RASGRF1: variants seen among roughly 807,000 people sequenced by gnomAD.
RASGRF1 encodes ras-specific guanine nucleotide-releasing factor 1.
In RASGRF1, 40 loss-of-function variants were observed where a neutral mutation model predicts 138.7. The observed-to-expected ratio is 0.29, with a 90% CI of 0.22 to 0.38. The LOEUF (loss-of-function observed/expected upper bound fraction) is 0.38. RASGRF1 is among the 10% of genes least tolerant of loss of function. RASGRF1 has a pLI of 1.00. For synonymous variants in RASGRF1, 614 were observed against 663.2 expected (o/e 0.93, Z 1.14); for missense variants, 1,108 against 1,650.4 (o/e 0.67, Z 5.69).
At chr15:79,033,439 TAG>T (rs2057170526) in intron 6 of RASGRF1, among the ~76,000 whole-genome samples, 1 of 151,856 alleles carries the variant, frequency 6.6e-6, no homozygotes, top group South Asian at 2.1e-4. Context: ...TTTGTAGAGA[TAG>T]AGTTTTACCA....
chr15:78,970,378 G>A (rs949761875), intron 26 of RASGRF1, among the ~76,000 whole-genome samples: 11 of 151,962 alleles, frequency 7.2e-5, no homozygotes, highest in Non-Finnish European at 1.5e-4. Context: ...AAAATTATTG[G>A]GGCATAGTGG....
chr15:79,003,678 CCCCAAGCCTCTCCCTT>C (rs1428651908), intron 15 of RASGRF1, 108 bp downstream of exon 15: 5 of 1,424,076 alleles, frequency 3.5e-6, no homozygotes. Context: ...CTGGTGGGAC[CCCCAAGCCTCTCCCTT>C]CCTTCCCCAT....
At chr15:79,037,009 T>G (rs1026450667) in intron 5 of RASGRF1, among the ~76,000 whole-genome samples, 2 of 152,130 alleles carry the variant, frequency 1.3e-5, no homozygotes, top group Non-Finnish European at 2.9e-5. Context: ...GTCTATCATC[T>G]CCCTAAAGTT....
chr15:78,977,157 C>T (rs918563802), intron 24 of RASGRF1, among the ~76,000 whole-genome samples: 11 of 152,314 alleles, frequency 7.2e-5, no homozygotes, highest in African/African-American at 2.2e-4. Flanking sequence ...GAAACCAACC[C>T]GAGACAAGCA....
At chr15:79,003,535 C>G (rs756502259) in intron 15 of RASGRF1, among the ~76,000 whole-genome samples, 3 of 152,234 alleles carry the variant, frequency 2.0e-5, no homozygotes. Flanking sequence ...CTAAATTGCT[C>G]GTGATGGGAA....
At chr15:79,034,257 C>T (rs1688537075) in intron 6 of RASGRF1, among the ~76,000 whole-genome samples, 1 of 151,926 alleles carries the variant, frequency 6.6e-6, no homozygotes, top group Admixed American at 6.5e-5. Context: ...ATGACACCAA[C>T]ACTCACCTTT....
rs1283670647 is a variant in RASGRF1 at position 79,032,948 on chromosome 15, C to T, written c.959-632G>A. Among the ~76,000 whole-genome samples, 1 of 152,212 alleles carries T rather than the reference C, an allele frequency of 6.6e-6. No homozygotes were observed. Among genetic ancestry groups the T allele is most frequent in the Non-Finnish European group, 1.5e-5 (1 of 68,040 alleles). ...AAGTGGCCTATCTGAGGTCACAGGGCAAGTCAGCAGCCGGCCTGGGGCTGG... is the reference window on the plus strand; with the variant it reads ...AAGTGGCCTATCTGAGGTCACAGGGTAAGTCAGCAGCCGGCCTGGGGCTGG... On this transcript the variant is annotated intron_variant, in intron 6 of 26. Transcript: ENST00000558480. The surrounding 1 kb of genome is among the most constrained non-coding windows in gnomAD (Gnocchi z 4.5).
chr15:78,986,963 A>G (rs2056171726), intron 22 of RASGRF1, among the ~76,000 whole-genome samples: 1 of 152,248 alleles, frequency 6.6e-6, no homozygotes, highest in African/African-American at 2.4e-5. Context: ...AAAGAATTTT[A>G]TATAAAAGTT....
At chr15:79,004,994 TTCTGCAGGGCACTGC>T (rs1262353805) in intron 14 of RASGRF1, 1 of 985,412 alleles carries the variant, frequency 1.0e-6, no homozygotes. Context: ...AGCCTCTTTG[TTCTGCAGGGCACTGC>T]TGCTGGGAAA....
intron 5 of RASGRF1, among the ~76,000 whole-genome samples, chr15:79,035,412 A>G (rs962127180): frequency 6.6e-6 from 1 of 152,246 alleles, no homozygotes; most frequent in East Asian, 1.9e-4. Context: ...CCCCTGGTTA[A>G]AGAATCACTA....
chr15:79,068,298 A>G (rs989599825), intron 1 of RASGRF1, among the ~76,000 whole-genome samples: 2 of 151,980 alleles, frequency 1.3e-5, no homozygotes, highest in Non-Finnish European at 2.9e-5. Context: ...ATAGGGGGCA[A>G]GTGGCTTTCT....
At chr15:78,983,461 C>G (rs1286154900) in intron 23 of RASGRF1, among the ~76,000 whole-genome samples, 2 of 152,204 alleles carry the variant, frequency 1.3e-5, no homozygotes, top group Admixed American at 1.3e-4. Context: ...CCTCCCAACT[C>G]CATGAGGAGG....
rs1264139621 is a variant in RASGRF1, at chr15:79,015,235, A to AGTAGCTGGCTCATCCCAGTGTC, written c.1826+70_1826+91dup. The AGTAGCTGGCTCATCCCAGTGTC allele has an allele frequency of 6.3e-6, 8 of 1,272,176 alleles. No individual in the cohort carries two copies. In the African/African-American group the frequency reaches 1.2e-4, roughly 19 times the overall value. The allele number at this position is 1,272,176 out of a possible 1,614,324, so 78.8% of individuals were successfully genotyped here. On this transcript the variant is annotated intron_variant, in intron 13 of 26. Coordinates refer to ENST00000558480, the MANE Select transcript of RASGRF1 (RefSeq NM_001145648.3). The stretch of plus-strand genomic sequence containing the variant: ...ACAAAGCCCAGCATCTCTGAACCCC[A>AGTAGCTGGCTCATCCCAGTGTC]GTAGCTGGCTCATCCCAGTGTCCTG...
rs1053253646 is a variant in RASGRF1, at chr15:78,967,530, C to T, written c.3681+4336G>A. 5.3e-5 allele frequency among the ~76,000 whole-genome samples: 8 copies of T among 152,076 alleles called. 1 individual carries two copies. Among genetic ancestry groups the T allele is most frequent in the South Asian group, 2.1e-4 (1 of 4,824 alleles). ...CACTATAGCACTCCAGCCTGGGTGACAGGGTGAGATCCTGTTTCAAAAAAC... is the reference window on the plus strand; with the variant it reads ...CACTATAGCACTCCAGCCTGGGTGATAGGGTGAGATCCTGTTTCAAAAAAC... On this transcript the variant is annotated intron_variant, in intron 26 of 26. Coordinates refer to ENST00000558480, the MANE Select transcript of RASGRF1 (RefSeq NM_001145648.3).
rs71148586 is a variant in RASGRF1, at chr15:79,033,581, CTTTTT to C, written c.959-1270_959-1266del. Among the ~76,000 whole-genome samples the C allele has an allele frequency of 6.4e-3, 602 of 93,946 alleles. 3 individuals are homozygous for C. The highest frequency in any genetic ancestry group is 0.024 in the South Asian group (63 of 2,612). 61.6% of individuals were successfully genotyped at this position (93,946 alleles called of 152,430 possible). A position where few individuals can be genotyped will look rare whatever the true frequency, so the allele number is the denominator to read the frequency against. ...ACATCTTCTTCTTCTTTTTTCTTTTCTTTTTTTTTTTTTTTTTTTTTGAGATAGAG... is the reference window on the plus strand; with the variant it reads ...ACATCTTCTTCTTCTTTTTTCTTTTCTTTTTTTTTTTTTTTTGAGATAGAG... On this transcript the variant is annotated intron_variant, in intron 6 of 26. Transcript: ENST00000558480.
chr15:79,007,835 G>A (rs2056714691), intron 13 of RASGRF1, among the ~76,000 whole-genome samples: 1 of 150,680 alleles, frequency 6.6e-6, no homozygotes, highest in Non-Finnish European at 1.5e-5. Flanking sequence ...TGACAGGTGT[G>A]AGCCACTGTG....
At chr15:78,979,352 G>A (rs913723522) in intron 24 of RASGRF1, 2 of 424,078 alleles carry the variant, frequency 4.7e-6, no homozygotes, top group Middle Eastern at 3.7e-4. Flanking sequence ...CCACTGTCAA[G>A]GGCTGGAGGT....
At chr15:79,062,264 T>A (rs1230512656) in intron 2 of RASGRF1, among the ~76,000 whole-genome samples, 1 of 152,262 alleles carries the variant, frequency 6.6e-6, no homozygotes. Context: ...TCAAAATAAC[T>A]GGCTCTTGGT....
At chr15:78,989,462 G>A (rs2056225952) in intron 22 of RASGRF1, among the ~76,000 whole-genome samples, 3 of 151,660 alleles carry the variant, frequency 2.0e-5, no homozygotes, top group Admixed American at 1.3e-4. Flanking sequence ...ACATTAAAGA[G>A]AATGTTTAAT....
Sources: allele counts gnomAD v4.1 joint callset (sites outside exome capture counted in the v4.1 genomes callset), GRCh38; gene constraint gnomAD v4.1.1; non-coding constraint Gnocchi (gnomAD v3.1); transcripts MANE v1.5; gene names NCBI Gene and HGNC (gene_info 2026-07-23, HGNC 2026-07-21).